IKZF3: variants seen among roughly 807,000 people sequenced by gnomAD.
IKZF3 encodes the protein IKAROS family zinc finger 3, also known as zinc finger protein Aiolos.
A neutral mutation model predicts 49.0 loss-of-function variants in IKZF3; 10 were observed. The observed-to-expected ratio is 0.20, with a 90% confidence interval of 0.13 to 0.35. The LOEUF (loss-of-function observed/expected upper bound fraction) is 0.35, where lower values mean the gene tolerates loss of function less well. Among genes scored for constraint, IKZF3 ranks in the 10% least tolerant of loss-of-function variants. The probability of loss-of-function intolerance (pLI) is 1.00; values close to 1 mark genes in which losing one functional copy is unlikely to be tolerated. For missense variants in IKZF3, 498 were observed against 664.8 expected (o/e 0.75, Z 2.76); for synonymous variants, 209 against 228.2 (o/e 0.92, Z 0.76).
intron 3 of IKZF3, among the ~76,000 whole-genome samples, chr17:39,827,150 G>A (rs965246966): frequency 2.2e-4 from 34 of 151,738 alleles, no homozygotes; most frequent in African/African-American, 6.5e-4. Context: ...CGTGAGTACC[G>A]CCACACCTGG....
intron 3 of IKZF3, among the ~76,000 whole-genome samples, chr17:39,815,765 T>C (rs2061665671): frequency 6.6e-6 from 1 of 152,136 alleles, no homozygotes; most frequent in African/African-American, 2.4e-5. Flanking sequence ...GGAAGAGAAA[T>C]AATAATTGTT....
At chr17:39,862,942 T>C (rs1283789915) in intron 1 of IKZF3, among the ~76,000 whole-genome samples, 1 of 152,218 alleles carries the variant, frequency 6.6e-6, no homozygotes, top group Non-Finnish European at 1.5e-5. Context: ...ATTCTGTACA[T>C]TATCCTTGAT....
At chr17:39,852,309 C>G (rs1246758235) in intron 1 of IKZF3, among the ~76,000 whole-genome samples, 1 of 152,164 alleles carries the variant, frequency 6.6e-6, no homozygotes, top group Non-Finnish European at 1.5e-5. Context: ...TCTACTTCTT[C>G]TACTCCCATT....
rs755419270 is a variant in IKZF3 at position 39,766,121 on chromosome 17, A to G, written c.1199T>C (p.Ile400Thr). ...DSNHEERQNH[I>T]YQQNHMVLSR... Reference sequence around the variant, plus strand: ...CAGGACCATGTGATTTTGCTGATAGATGTGATTCTGGCGTTCTTCATGGTT... The same window carrying G: ...CAGGACCATGTGATTTTGCTGATAGGTGTGATTCTGGCGTTCTTCATGGTT... Residue 400 changes from isoleucine to threonine, a missense_variant, in exon 8 of 8, where the codon ATC (isoleucine) becomes ACC (threonine). This residue lies in a region of IKZF3 where 317 missense variants were observed against 397.3 expected (regional missense o/e 0.80). Coordinates refer to ENST00000346872, the MANE Select transcript of IKZF3 (RefSeq NM_012481.5). 1.2e-6 allele frequency: 2 copies of G among 1,614,068 alleles called. No individual in the cohort carries two copies.
chr17:39,823,646 G>C (rs2061871312), intron 3 of IKZF3, among the ~76,000 whole-genome samples: 1 of 152,128 alleles, frequency 6.6e-6, no homozygotes, highest in South Asian at 2.1e-4. Flanking sequence ...TCAGGACATG[G>C]TGCTCTGTGT....
intron 6 of IKZF3, among the ~76,000 whole-genome samples, chr17:39,781,058 ACT>A (rs1382765804): frequency 2.0e-5 from 3 of 152,160 alleles, no homozygotes; most frequent in Non-Finnish European, 4.4e-5. Context: ...TACTCGACTG[ACT>A]CTGGCTGACC....
chr17:39,839,573 G>T, intron 1 of IKZF3: 1 of 493,804 alleles, frequency 2.0e-6, no homozygotes, highest in Non-Finnish European at 3.9e-6. Context: ...GAAAGGAAGA[G>T]AGGACTGTTT....
intron 3 of IKZF3, among the ~76,000 whole-genome samples, chr17:39,819,760 C>G (rs554463642): frequency 1.3e-5 from 2 of 152,254 alleles, no homozygotes; most frequent in South Asian, 4.1e-4. Context: ...ACCTCTGCCT[C>G]CTGGGCTCAA....
At chr17:39,820,595 A>G (rs2061785466) in intron 3 of IKZF3, among the ~76,000 whole-genome samples, 1 of 152,172 alleles carries the variant, frequency 6.6e-6, no homozygotes, top group Non-Finnish European at 1.5e-5. Flanking sequence ...CCTAAGTGAT[A>G]GGAGTATTGT....
intron 1 of IKZF3, chr17:39,834,948 G>C (rs901020753): frequency 5.3e-6 from 2 of 376,414 alleles, no homozygotes. Context: ...GGCTGGGAGG[G>C]GCTGCTATGG....
chr17:39,780,524 T>C (rs2060714607), intron 6 of IKZF3, among the ~76,000 whole-genome samples: 1 of 151,826 alleles, frequency 6.6e-6, no homozygotes, highest in Admixed American at 6.6e-5. Context: ...CCACCATGCC[T>C]GGCTAATTAA....
At chr17:39,798,541 T>G (rs1228032585) in intron 3 of IKZF3, among the ~76,000 whole-genome samples, 1 of 151,454 alleles carries the variant, frequency 6.6e-6, no homozygotes, top group Non-Finnish European at 1.5e-5. Flanking sequence ...AGTCTTTCTC[T>G]GTCTCTCAGG....
intron 3 of IKZF3, among the ~76,000 whole-genome samples, chr17:39,801,702 G>C (rs184261917): frequency 2.6e-5 from 4 of 152,256 alleles, no homozygotes; most frequent in Admixed American, 2.0e-4. Context: ...TAATGAGAGA[G>C]AGAAACCGAT....
At chr17:39,795,170 A>G (rs576587743) in intron 3 of IKZF3, among the ~76,000 whole-genome samples, 1 of 152,320 alleles carries the variant, frequency 6.6e-6, no homozygotes, top group East Asian at 1.9e-4. Flanking sequence ...CCTGGAATTC[A>G]ATACGACACC....
At chr17:39,842,206 G>A (rs1257798083) in intron 1 of IKZF3, among the ~76,000 whole-genome samples, 3 of 152,102 alleles carry the variant, frequency 2.0e-5, no homozygotes, top group Non-Finnish European at 4.4e-5. Context: ...TTAAAGGAAT[G>A]AGGCTCCCTG....
Position 39,791,735 on chromosome 17 carries a change from C to T in IKZF3, c.425-152G>A, listed in dbSNP as rs149494479. 199 of 753,094 alleles carry T rather than the reference C, an allele frequency of 2.6e-4. No individual in the cohort carries two copies. The African/African-American group carries it at 2.8e-3, about 11-fold the overall frequency. 46.7% of individuals were successfully genotyped at this position (753,094 alleles called of 1,614,324 possible). ...GCTGCATTTCAAGGCAAGCCTAAGA[C>T]TTACTTATGAAATCTCCTCTGTAGA... On this transcript the variant is annotated intron_variant, in intron 4 of 7. Coordinates refer to ENST00000346872, the MANE Select transcript of IKZF3 (RefSeq NM_012481.5).
At chr17:39,844,279 C>A (rs986271793) in intron 1 of IKZF3, among the ~76,000 whole-genome samples, 1 of 152,116 alleles carries the variant, frequency 6.6e-6, no homozygotes, top group African/African-American at 2.4e-5. Flanking sequence ...ATATCTGGGG[C>A]AAATGATGGA....
chr17:39,833,494 A>T (rs1391872660), intron 1 of IKZF3, among the ~76,000 whole-genome samples: 3 of 152,160 alleles, frequency 2.0e-5, no homozygotes, highest in East Asian at 3.8e-4. Flanking sequence ...TTAGAACTTC[A>T]TAAAAACAGA....
At chr17:39,788,405 A>C in intron 5 of IKZF3, 31 bp from the exon 6 acceptor site, 12 of 1,408,880 alleles carry the variant, frequency 8.5e-6, no homozygotes, top group African/African-American at 1.4e-5. Flanking sequence ...GCACTCAGTG[A>C]CCCTCAGGGG....
Sources: allele counts gnomAD v4.1 joint callset (sites outside exome capture counted in the v4.1 genomes callset), GRCh38; gene constraint gnomAD v4.1.1; regional missense constraint gnomAD v4.1.1; transcripts MANE v1.5; gene names NCBI Gene and HGNC (gene_info 2026-07-23, HGNC 2026-07-21).